Variants in DMBT1 observed in about 807,000 individuals in gnomAD.
The protein encoded by DMBT1 is deleted in malignant brain tumors 1.
DMBT1 carries 198 observed loss-of-function variants against 252.9 expected under a neutral mutation model. The observed-to-expected ratio is 0.78, with a 90% CI of 0.70 to 0.88. The LOEUF is 0.88. DMBT1 is among the 40% of genes least tolerant of loss of function. The pLI, the probability that DMBT1 is intolerant of heterozygous loss-of-function variation, is 0.00. For missense variants in DMBT1, 2,432 were observed against 2,404.7 expected (o/e 1.01, Z -0.24); for synonymous variants, 990 against 942.7 (o/e 1.05, Z -0.92).
intron 45 of DMBT1, 141 bp from the exon 46 acceptor site, chr10:122,625,792 T>C: frequency 1.4e-6 from 1 of 737,468 alleles, no homozygotes; most frequent in South Asian, 1.6e-5. Context: ...TTACTGGCCA[T>C]GAACAGTGTA....
Position 122,577,796 on chromosome 10 carries a change from AT to A in DMBT1, c.608-8del, listed in dbSNP as rs1565622832. The A allele has an allele frequency of 1.9e-6, 3 of 1,613,252 alleles. No homozygotes were observed. The South Asian group carries it at 3.3e-5, about 18-fold the overall frequency. On this transcript the variant is annotated splice_polypyrimidine_tract_variant and intron_variant, in intron 7 of 55. Coordinates refer to ENST00000338354, the MANE Select transcript of DMBT1 (RefSeq NM_001377530.1). ...TGAGTGTTTGGTGTCTAATGTTGCT[AT>A]TTTTTTCTCACAGCTGCCCAGCCTC...
chr10:122,580,506 G>C (rs997826403), intron 10 of DMBT1, among the ~76,000 whole-genome samples: 1 of 152,218 alleles, frequency 6.6e-6, no homozygotes, highest in African/African-American at 2.4e-5. Context: ...ACATGGCCTT[G>C]TCATTGCCTG....
At chr10:122,576,084 T>A (rs2097709270) in intron 6 of DMBT1, among the ~76,000 whole-genome samples, 1 of 152,210 alleles carries the variant, frequency 6.6e-6, no homozygotes, top group Non-Finnish European at 1.5e-5. Context: ...GTGTGTCCCC[T>A]GTCTGAGGGA....
rs1187301098 is a variant in DMBT1, at chr10:122,599,065, G to A, written c.3248G>A (p.Gly1083Asp). ...AATGGCTGGCTCTCCCACAACTGTG[G>A]CCATAGTGAAGACGCTGGTGTCATC... ...PHNGWLSHNC[G>D]HSEDAGVICS... Residue 1083 changes from glycine (G) to aspartate (D), a missense_variant, in exon 26 of 56, where the codon GGC becomes GAC. Physicochemically the swap from Gly to Asp is moderately conservative, Grantham distance 94. This residue lies in a region of DMBT1 where 1,264 missense variants were observed against 1,082.2 expected (regional missense o/e 1.17). Coordinates refer to ENST00000338354, the MANE Select transcript of DMBT1 (RefSeq NM_001377530.1). The A allele has an allele frequency of 1.2e-6, 2 of 1,613,834 alleles. No individual in the cohort carries two copies. Among genetic ancestry groups the A allele is most frequent in the Non-Finnish European group, 1.7e-6 (2 of 1,179,758 alleles).
At position 122,588,447 on chromosome 10, in the gene DMBT1, A is replaced by G. The variant is rs117884931; in HGVS notation, c.1784-497A>G. Among the ~76,000 whole-genome samples, 961 of 148,320 alleles carry G rather than the reference A, an allele frequency of 6.5e-3. 185 individuals are homozygous for G. In the East Asian group the frequency reaches 0.16, roughly 25 times the overall value. ...TCCAGGTGCTGAGGACAAGCCCTGGAGGGCTCCCTACTCCTATTCGACCTC... is the reference window on the plus strand; with the variant it reads ...TCCAGGTGCTGAGGACAAGCCCTGGGGGGCTCCCTACTCCTATTCGACCTC... On this transcript the variant is annotated intron_variant, in intron 16 of 55. Coordinates refer to ENST00000338354, the MANE Select transcript of DMBT1 (RefSeq NM_001377530.1).
At chr10:122,578,508 C>T (rs2097733321) in intron 8 of DMBT1, among the ~76,000 whole-genome samples, 3 of 152,126 alleles carry the variant, frequency 2.0e-5, no homozygotes, top group East Asian at 1.9e-4. Context: ...TCATCCCTCT[C>T]TCAGAGAGAG....
intron 20 of DMBT1, among the ~76,000 whole-genome samples, 189 bp downstream of exon 20, chr10:122,592,784 G>A (rs1480500101): frequency 1.3e-5 from 2 of 148,692 alleles, no homozygotes; most frequent in Admixed American, 6.7e-5. Flanking sequence ...TGGTCACTTA[G>A]GACAGGCCCC....
rs1209735787 is a variant in DMBT1 at position 122,619,246 on chromosome 10, T to C, written c.5216-62T>C. ...GCTTGCCCAGTTCCTTCTATCTTTG[T>C]TCCAGTTTTGCCATTTTCTGTATAG... On this transcript the variant is annotated intron_variant, in intron 41 of 55. Coordinates refer to ENST00000338354, the MANE Select transcript of DMBT1 (RefSeq NM_001377530.1). 19 of 1,607,592 alleles carry C rather than the reference T, an allele frequency of 1.2e-5. No individual in the cohort carries two copies. The East Asian group carries it at 3.3e-4, about 28-fold the overall frequency.
chr10:122,634,441 TC>T (rs1566007693), intron 52 of DMBT1, among the ~76,000 whole-genome samples: 134 of 63,584 alleles, frequency 2.1e-3, no homozygotes, highest in Non-Finnish European at 2.8e-3. Context: ...TCTCTCTCTC[TC>T]TCTCTCTCTC....
Position 122,592,457 on chromosome 10 carries a change from T to A in DMBT1, c.2362T>A (p.Phe788Ile). The A allele has an allele frequency of 6.3e-7, 1 of 1,587,916 alleles. No homozygotes were observed. Among genetic ancestry groups the A allele is most frequent in the Non-Finnish European group, 8.6e-7 (1 of 1,165,566 alleles). The stretch of plus-strand genomic sequence containing the variant: ...CACGTCGGCCCCAGGAAATGCCCGG[T>A]TTGGCCAGGGCTCAGGACCCATTGT... ...WATSAPGNARFGQGSGPIVLD... is the reference protein window; with the variant it reads ...WATSAPGNARIGQGSGPIVLD... Residue 788 changes from phenylalanine to isoleucine, a missense_variant, in exon 20 of 56, where the codon TTT becomes ATT. Phe to Ile is a conservative substitution (Grantham distance 21). Coordinates refer to ENST00000338354, the MANE Select transcript of DMBT1 (RefSeq NM_001377530.1).
chr10:122,633,417 G>T, intron 52 of DMBT1, 76 bp downstream of exon 52: 1 of 1,543,058 alleles, frequency 6.5e-7, no homozygotes, highest in Non-Finnish European at 8.6e-7. Context: ...TTAAGTGTGC[G>T]CCCAGAAGAA....
Position 122,621,206 on chromosome 10 carries a change from T to A in DMBT1, c.5434T>A (p.Cys1812Ser). 6.2e-7 allele frequency: 1 copy of A among 1,613,908 alleles called. No homozygotes were observed. The highest frequency in any genetic ancestry group is 8.5e-7 in the Non-Finnish European group (1 of 1,179,812). The change falls in exon 44 of 56, where the codon TGT (cysteine) becomes AGT (serine). Residue 1812 changes from cysteine (C) to serine (S), a missense_variant. By Grantham distance (112) the Cys-to-Ser change is moderately radical. This residue lies in a region of DMBT1 where 1,162 missense variants were observed against 1,169.0 expected (regional missense o/e 0.99). Transcript: ENST00000338354. ...DANVVCRQLG[C>S]GWAMSAPGNA... ...CAATGTGGTCTGCAGGCAGCTGGGC[T>A]GTGGCTGGGCCATGTCGGCCCCAGG...
In DMBT1 at chr10:122,598,892, T is replaced by A. The variant is rs908265696; in HGVS notation, c.3075T>A (p.Asn1025Lys). ...GTVCDDSWDT[N>K]DANVVCRQLG... ...TGTGCGATGACAGCTGGGACACCAATGATGCCAATGTCGTCTGCAGGCAAC... is the reference window on the plus strand; with the variant it reads ...TGTGCGATGACAGCTGGGACACCAAAGATGCCAATGTCGTCTGCAGGCAAC... Residue 1025 changes from asparagine (N) to lysine (K), a missense_variant, in exon 26 of 56, where the codon AAT (asparagine) becomes AAA (lysine). Transcript: ENST00000338354. 3.1e-6 allele frequency: 5 copies of A among 1,613,852 alleles called. No homozygotes were observed. The highest frequency in any genetic ancestry group is 4.2e-6 in the Non-Finnish European group (5 of 1,179,780).
intron 52 of DMBT1, among the ~76,000 whole-genome samples, chr10:122,634,419 CTCTCTCTCTCT>C (rs1234946496): frequency 1.2e-5 from 1 of 85,448 alleles, no homozygotes. Context: ...CTTTCTCTCT[CTCTCTCTCTCT>C]TCTCTCTCTC....
intron 25 of DMBT1, 117 bp from the exon 26 acceptor site, chr10:122,598,657 A>G (rs1488388279): frequency 6.4e-7 from 1 of 1,562,422 alleles, no homozygotes. Flanking sequence ...TCATATTCAA[A>G]GGTGACTGCC....
rs1431311557 is a variant in DMBT1, at chr10:122,591,428, C to A, written c.2138-51C>A. 1.4e-5 allele frequency: 21 copies of A among 1,544,102 alleles called. 3 individuals are homozygous for A. The highest frequency in any genetic ancestry group is 1.8e-5 in the Non-Finnish European group (20 of 1,126,382). ...TGTCCAGAGACCTTTCCTTTTGGAG[C>A]TTTTCTCCCTCAACTTTAATTCTAG... On this transcript the variant is annotated intron_variant, in intron 18 of 55. Transcript: ENST00000338354.
chr10:122,577,044 G>C (rs2097718863), intron 7 of DMBT1, among the ~76,000 whole-genome samples: 1 of 152,238 alleles, frequency 6.6e-6, no homozygotes, highest in Admixed American at 6.5e-5. Context: ...TCCCCAAGCT[G>C]CGAGCAGTGC....
In DMBT1 at chr10:122,598,868, G is replaced by C; in HGVS notation, c.3051G>C (p.Val1017=). The change falls in exon 26 of 56, where the codon GTG becomes GTC. Residue 1017 remains valine, a synonymous_variant. Transcript: ENST00000338354. ...TATACCAAGGCTCCTGGGGCACCGT[G>C]TGCGATGACAGCTGGGACACCAATG... is the stretch of plus-strand genomic sequence containing the variant. ...EVLYQGSWGT[V]CDDSWDTNDA... is the part of the protein sequence containing the mutation. 1.2e-6 allele frequency: 2 copies of C among 1,613,822 alleles called. No individual in the cohort carries two copies. The highest frequency in any genetic ancestry group is 2.7e-5 in the African/African-American group (2 of 75,050).
At position 122,584,304 on chromosome 10, in the gene DMBT1, A is replaced by T. The variant is rs761383869; in HGVS notation, c.1391-18A>T. On this transcript the variant is annotated intron_variant, in intron 13 of 55. Coordinates refer to ENST00000338354, the MANE Select transcript of DMBT1 (RefSeq NM_001377530.1). The stretch of plus-strand genomic sequence containing the variant: ...GCTTCTGTATAGTGCATCTGATCTG[A>T]CCTCCTCTTTCTCACAGCTGCCCAC... 1.4e-4 allele frequency: 73 copies of T among 505,470 alleles called. 2 individuals are homozygous for T. In the African/African-American group the frequency reaches 1.5e-3, roughly 10 times the overall value. 31.3% of individuals were successfully genotyped at this position (505,470 alleles called of 1,614,324 possible). A position where few individuals can be genotyped will look rare whatever the true frequency, so the allele number is the denominator to read the frequency against.
Sources: allele counts gnomAD v4.1 joint callset (sites outside exome capture counted in the v4.1 genomes callset), GRCh38; gene constraint gnomAD v4.1.1; regional missense constraint gnomAD v4.1.1; transcripts MANE v1.5; gene names NCBI Gene and HGNC (gene_info 2026-07-23, HGNC 2026-07-21).